STK32B: variants seen among roughly 807,000 people sequenced by gnomAD.
STK32B encodes the protein serine/threonine kinase 32B, also known as serine/threonine-protein kinase 32B.
A neutral mutation model predicts 52.6 loss-of-function variants in STK32B; 43 were observed. The ratio of observed to expected loss-of-function variants is 0.82; its 90% confidence interval spans 0.64 to 1.05. The LOEUF (loss-of-function observed/expected upper bound fraction) is 1.05, where lower values mean the gene tolerates loss of function less well. STK32B is among the 50% of genes least tolerant of loss of function. The pLI, the probability that STK32B is intolerant of heterozygous loss-of-function variation, is 0.00. For synonymous variants in STK32B, 238 were observed against 204.3 expected (o/e 1.17, Z -1.41); for missense variants, 621 against 534.6 (o/e 1.16, Z -1.59).
intron 3 of STK32B, among the ~76,000 whole-genome samples, chr4:5,174,321 T>C (rs1316451414): frequency 3.3e-5 from 5 of 152,186 alleles, no homozygotes; most frequent in African/African-American, 1.2e-4. Flanking sequence ...AATATTGTTA[T>C]GTGTGAATTT....
At chr4:5,158,409 A>G (rs1021538733) in intron 2 of STK32B, among the ~76,000 whole-genome samples, 3 of 152,062 alleles carry the variant, frequency 2.0e-5, no homozygotes, top group African/African-American at 7.2e-5. Context: ...AAAGCACACC[A>G]TCACCTCTCT....
intron 4 of STK32B, among the ~76,000 whole-genome samples, chr4:5,368,796 A>G (rs985602039): frequency 3.3e-5 from 5 of 152,168 alleles, no homozygotes; most frequent in African/African-American, 1.2e-4. Context: ...TTGCCTGGGG[A>G]CACTGTGCAA....
chr4:5,488,029 T>C (rs1200486582), intron 11 of STK32B, among the ~76,000 whole-genome samples: 3 of 152,236 alleles, frequency 2.0e-5, no homozygotes, highest in Admixed American at 1.3e-4. Flanking sequence ...GGCTGGTCTA[T>C]AGGCAGATAA....
the STK32B span, chr4:5,019,617 T>C: frequency 1.5e-6 from 1 of 656,898 alleles, no homozygotes; most frequent in Admixed American, 4.3e-5. Context: ...AGGAATCCTC[T>C]CAGACACGAA....
At chr4:5,334,928 CT>C (rs1732540261) in intron 4 of STK32B, among the ~76,000 whole-genome samples, 1 of 151,782 alleles carries the variant, frequency 6.6e-6, no homozygotes, top group South Asian at 2.1e-4. Context: ...GGATATTGGT[CT>C]AAAATTCTCT....
At chr4:5,140,045 T>A (rs1166112269) in intron 2 of STK32B, 85 bp downstream of exon 2, 4 of 1,553,506 alleles carry the variant, frequency 2.6e-6, no homozygotes, top group Non-Finnish European at 3.5e-6. Context: ...GCACTGGGAA[T>A]GTTCTGTTTG....
rs778124195 is a variant in STK32B at position 5,139,959 on chromosome 4, A to G, written c.107A>G (p.Lys36Arg). 6.2e-7 allele frequency: 1 copy of G among 1,614,196 alleles called. No homozygotes were observed. Among genetic ancestry groups the G allele is most frequent in the Non-Finnish European group, 8.5e-7 (1 of 1,180,020 alleles). Reference sequence around the variant, plus strand: ...GCCATTGGTAAAGGGAGTTTTGGAAAGGTAAGAATATAAATGTCTGGACCA... The same window carrying G: ...GCCATTGGTAAAGGGAGTTTTGGAAGGGTAAGAATATAAATGTCTGGACCA... The part of the protein sequence containing the change: ...LRAIGKGSFG[K>R]VCIVQKRDTK... The change falls in exon 2 of 12, where the codon AAG becomes AGG. Residue 36 changes from lysine (K) to arginine (R), a missense_variant and splice_region_variant. Coordinates refer to ENST00000282908, the MANE Select transcript of STK32B (RefSeq NM_018401.3).
At chr4:5,175,811 C>G (rs1460768657) in intron 3 of STK32B, among the ~76,000 whole-genome samples, 1 of 152,214 alleles carries the variant, frequency 6.6e-6, no homozygotes, top group African/African-American at 2.4e-5. Flanking sequence ...CTGGGAGAAC[C>G]ACTACTCTGT....
chr4:5,412,460 C>T (rs1477241955), intron 5 of STK32B, among the ~76,000 whole-genome samples: 1 of 152,148 alleles, frequency 6.6e-6, no homozygotes, highest in African/African-American at 2.4e-5. Context: ...GTGTTGCCCA[C>T]TGTACCTGAA....
intron 11 of STK32B, among the ~76,000 whole-genome samples, chr4:5,494,677 T>C (rs562181894): frequency 2.6e-4 from 40 of 152,332 alleles, no homozygotes; most frequent in Admixed American, 2.5e-3. Flanking sequence ...GCCTCGATGG[T>C]CTTTACATTT....
intron 2 of STK32B, among the ~76,000 whole-genome samples, chr4:5,167,781 C>T (rs1218562614): frequency 6.6e-6 from 1 of 152,148 alleles, no homozygotes; most frequent in Admixed American, 6.5e-5. Context: ...CTTGGCTGGT[C>T]TGCTACATGG....
At chr4:5,332,723 A>T (rs1732357300) in intron 4 of STK32B, among the ~76,000 whole-genome samples, 1 of 152,024 alleles carries the variant, frequency 6.6e-6, no homozygotes, top group Admixed American at 6.6e-5. Context: ...TTCAGTTCCC[A>T]TCTATGAGTG....
chr4:5,454,386 G>C (rs1416148053), intron 7 of STK32B, among the ~76,000 whole-genome samples: 1 of 152,044 alleles, frequency 6.6e-6, no homozygotes, highest in Non-Finnish European at 1.5e-5. Flanking sequence ...CCTATTCCAG[G>C]CCTCTCTGCT....
At chr4:5,493,265 T>C (rs1438923717) in intron 11 of STK32B, among the ~76,000 whole-genome samples, 5 of 152,202 alleles carry the variant, frequency 3.3e-5, no homozygotes, top group Non-Finnish European at 5.9e-5. Context: ...GAGCCTGTTA[T>C]TGGTCTATTC....
intron 1 of STK32B, among the ~76,000 whole-genome samples, chr4:5,089,511 T>C (rs771280954): frequency 1.3e-5 from 2 of 152,212 alleles, no homozygotes; most frequent in East Asian, 1.9e-4. Flanking sequence ...GCAAAGGACA[T>C]GATCTCATTC....
At chr4:5,247,776 A>C (rs549030292) in intron 3 of STK32B, among the ~76,000 whole-genome samples, 1 of 152,180 alleles carries the variant, frequency 6.6e-6, no homozygotes. Flanking sequence ...GCCCTAGCCA[A>C]GGAGGATCAT....
chr4:5,137,029 A>C (rs1294155347), intron 1 of STK32B, among the ~76,000 whole-genome samples: 1 of 152,234 alleles, frequency 6.6e-6, no homozygotes, highest in Non-Finnish European at 1.5e-5. Context: ...ACAATGTTAT[A>C]ACACTAATTA....
At chr4:5,475,157 C>T (rs905763813) in intron 11 of STK32B, among the ~76,000 whole-genome samples, 2 of 152,116 alleles carry the variant, frequency 1.3e-5, no homozygotes, top group African/African-American at 4.8e-5. Context: ...CACGGTGGCT[C>T]ACACCTGTAA....
chr4:5,100,622 TTCTTTCTTTCTCTTTC>T (rs1713695914), intron 1 of STK32B, among the ~76,000 whole-genome samples: 1 of 52,706 alleles, frequency 1.9e-5, no homozygotes, highest in Admixed American at 2.2e-4. Flanking sequence ...TCCCTGCTTT[TTCTTTCTTTCTCTTTC>T]TTTCTTTCTC....
Sources: gnomAD v4.1 joint callset for allele counts (sites outside exome capture counted in the v4.1 genomes callset) on GRCh38, gnomAD v4.1.1 for gene constraint, MANE v1.5 for transcripts, NCBI Gene and HGNC (gene_info 2026-07-23, HGNC 2026-07-21) for gene names.